EIF3A: variants seen among roughly 807,000 people sequenced by gnomAD.
EIF3A encodes the protein EIF3, p180 subunit.
EIF3A carries 21 observed loss-of-function variants against 186.6 expected under a neutral mutation model. The observed-to-expected ratio is 0.11, with a 90% CI of 0.08 to 0.16. The LOEUF (loss-of-function observed/expected upper bound fraction) is 0.16. Ranked by LOEUF, EIF3A falls within the 10% of genes least tolerant of loss-of-function variation. The pLI is 1.00. For missense variants in EIF3A, 1,306 were observed against 1,796.3 expected, an observed-to-expected ratio of 0.73 and a Z score of 4.93; for synonymous variants, 563 against 584.3, an observed-to-expected ratio of 0.96 and a Z score of 0.52.
chr10:119,066,948 C>G (rs1196488211), intron 6 of EIF3A, among the ~76,000 whole-genome samples: 1 of 152,204 alleles, frequency 6.6e-6, no homozygotes, highest in African/African-American at 2.4e-5. Context: ...CGCAGTGGCT[C>G]ATGCCTGTAA....
At chr10:119,079,676 G>A (rs1439637398) in intron 1 of EIF3A, among the ~76,000 whole-genome samples, 3 of 152,150 alleles carry the variant, frequency 2.0e-5, no homozygotes, top group Non-Finnish European at 4.4e-5. Flanking sequence ...TAAATGCCTT[G>A]GAGAGATCGG....
Position 119,072,945 on chromosome 10 carries a change from G to T in EIF3A, c.486C>A (p.Asp162Glu). 1.2e-6 allele frequency: 2 copies of T among 1,614,096 alleles called. No individual in the cohort carries two copies. Among genetic ancestry groups the T allele is most frequent in the Non-Finnish European group, 1.7e-6 (2 of 1,180,014 alleles). Residue 162 changes from aspartate to glutamate, a missense_variant, in exon 4 of 22, where the codon GAC becomes GAA. Physicochemically the swap from Asp to Glu is conservative, Grantham distance 45. Around this residue, in one of 8 missense-constraint regions of EIF3A, gnomAD observed 130 missense variants for 259.3 expected, o/e 0.50. Transcript: ENST00000369144. ...FLWESYRQCL[D>E]LLRNNSRVER... is the part of the protein sequence containing the mutation. ...CTACTCTAGAATTGTTTCTAAGAAG[G>T]TCCAAACACTGCCTGTAAGACTCCC...
chr10:119,039,356 G>A (rs1241221391), intron 19 of EIF3A, among the ~76,000 whole-genome samples: 1 of 152,028 alleles, frequency 6.6e-6, no homozygotes, highest in East Asian at 1.9e-4. Context: ...GTTTAAAATG[G>A]CCTCCAAGTG....
At chr10:119,075,528 T>G (rs1844151291) in intron 1 of EIF3A, among the ~76,000 whole-genome samples, 1 of 147,200 alleles carries the variant, frequency 6.8e-6, no homozygotes, top group Non-Finnish European at 1.5e-5. Flanking sequence ...CATCTTAACA[T>G]TCATTAATTG....
chr10:119,046,838 T>G (rs552746103), intron 17 of EIF3A, among the ~76,000 whole-genome samples: 2 of 152,096 alleles, frequency 1.3e-5, no homozygotes, highest in South Asian at 4.2e-4. Context: ...ATGCCTGTAA[T>G]CCCACCTACT....
chr10:119,038,443 T>G lies in EIF3A; in HGVS notation c.3527-4A>C. The G allele has an allele frequency of 6.3e-7, 1 of 1,591,106 alleles. No homozygotes were observed. Among genetic ancestry groups the G allele is most frequent in the South Asian group, 1.2e-5 (1 of 85,854 alleles). ...TTTTCTTTCTCTCTCCATCCACCTGTTTTTTTGAAAAAGCAAAACATTTTT... is the reference window on the plus strand; with the variant it reads ...TTTTCTTTCTCTCTCCATCCACCTGGTTTTTTGAAAAAGCAAAACATTTTT... On this transcript the variant is annotated splice_polypyrimidine_tract_variant and splice_region_variant and intron_variant, in intron 19 of 21. Transcript: ENST00000369144.
Position 119,056,986 on chromosome 10 carries a change from C to G in EIF3A, c.2032G>C (p.Glu678Gln). The change falls in exon 13 of 22, where the codon GAG (glutamate) becomes CAG (glutamine). Residue 678 changes from glutamate (E) to glutamine (Q), a missense_variant. By Grantham distance (29) the Glu-to-Gln change is conservative. Transcript: ENST00000369144. ...FIMAKQVEQL[E>Q]KEKKELQERL... The stretch of plus-strand genomic sequence containing the variant: ...TCTTGAAGTTCTTTCTTTTCTTTCT[C>G]CAGTTGTTCAACCTGTTTAGCCATG... 6.2e-7 allele frequency: 1 copy of G among 1,613,270 alleles called. No individual in the cohort carries two copies. Among genetic ancestry groups the G allele is most frequent in the Admixed American group, 1.7e-5 (1 of 59,932 alleles).
chr10:119,069,887 G>C (rs1373407353), intron 5 of EIF3A, among the ~76,000 whole-genome samples: 1 of 151,694 alleles, frequency 6.6e-6, no homozygotes, highest in East Asian at 1.9e-4. Context: ...AGACAGAGCA[G>C]ACTCAAGAAA....
Position 119,056,926 on chromosome 10 carries a change from T to G in EIF3A, c.2082+10A>C, listed in dbSNP as rs759635621. ...TGGTATGTTAAAGGTTTACCAACCC[T>G]TTCATTTACCTTCTTTTCTTGATTC... On this transcript the variant is annotated intron_variant, in intron 13 of 21. Coordinates refer to ENST00000369144, the MANE Select transcript of EIF3A (RefSeq NM_003750.4). The G allele has an allele frequency of 1.9e-6, 3 of 1,603,628 alleles. No individual in the cohort carries two copies. The South Asian group carries it at 3.3e-5, about 18-fold the overall frequency.
intron 6 of EIF3A, among the ~76,000 whole-genome samples, chr10:119,067,602 G>C (rs775334684): frequency 6.6e-6 from 1 of 152,118 alleles, no homozygotes. Flanking sequence ...AGAAAGGAAA[G>C]AAAGACCGTA....
At chr10:119,074,633 T>TA (rs1437540048) in intron 1 of EIF3A, among the ~76,000 whole-genome samples, 1 of 150,414 alleles carries the variant, frequency 6.6e-6, no homozygotes, top group Non-Finnish European at 1.5e-5. Context: ...TTTTTTTAAA[T>TA]AAAAAAATAG....
At chr10:119,052,267 T>C (rs964656429) in intron 14 of EIF3A, among the ~76,000 whole-genome samples, 1 of 152,182 alleles carries the variant, frequency 6.6e-6, no homozygotes, top group Non-Finnish European at 1.5e-5. Flanking sequence ...AAGAAACCAC[T>C]TACTTTGCTC....
At chr10:119,066,604 G>A (rs1843985493) in intron 6 of EIF3A, among the ~76,000 whole-genome samples, 1 of 150,614 alleles carries the variant, frequency 6.6e-6, no homozygotes, top group Admixed American at 6.6e-5. Flanking sequence ...ACACTATTAT[G>A]GTAGTGAGGG....
At chr10:119,043,616 CAACAACAAA>C (rs1349274230) in intron 18 of EIF3A, among the ~76,000 whole-genome samples, 1 of 150,614 alleles carries the variant, frequency 6.6e-6, no homozygotes, top group African/African-American at 2.4e-5. Flanking sequence ...ACAACAACAA[CAACAACAAA>C]AACAACAACA....
chr10:119,049,905 C>G lies in EIF3A; in HGVS notation c.2554G>C (p.Glu852Gln). 1 of 1,614,158 alleles carries G rather than the reference C, an allele frequency of 6.2e-7. No individual in the cohort carries two copies. Among genetic ancestry groups the G allele is most frequent in the Non-Finnish European group, 8.5e-7 (1 of 1,180,036 alleles). ...TGGCGTTTTTTCCTTTCCACTTCTTCTAATTTCTTCACCCGCTCCTGATAC... is the reference window on the plus strand; with the variant it reads ...TGGCGTTTTTTCCTTTCCACTTCTTGTAATTTCTTCACCCGCTCCTGATAC... ...REYQERVKKL[E>Q]EVERKKRQRE... The change falls in exon 17 of 22, where the codon GAA becomes CAA. Residue 852 changes from glutamate (E) to glutamine (Q), a missense_variant. This residue lies in a region of EIF3A where 410 missense variants were observed against 473.5 expected (regional missense o/e 0.87). Transcript: ENST00000369144.
At chr10:119,068,675 T>C (rs1380037969) in intron 6 of EIF3A, among the ~76,000 whole-genome samples, 2 of 136,278 alleles carry the variant, frequency 1.5e-5, no homozygotes, top group African/African-American at 5.6e-5. Flanking sequence ...CAAGAAAAAA[T>C]AAAATAAAAT....
chr10:119,074,284 G>A (rs534927714), intron 1 of EIF3A, among the ~76,000 whole-genome samples: 14 of 152,030 alleles, frequency 9.2e-5, no homozygotes, highest in Non-Finnish European at 1.8e-4. Context: ...TGGCCAATAC[G>A]GTGAAACCCA....
Position 119,042,560 on chromosome 10 carries a change from G to A in EIF3A, c.2960C>T (p.Pro987Leu). The change falls in exon 19 of 22, where the codon CCT becomes CTT. Residue 987 changes from proline to leucine, a missense_variant. By Grantham distance (98) the Pro-to-Leu change is moderately conservative (BLOSUM62 -3). Transcript: ENST00000369144. The surrounding 1 kb of genome is among the most constrained non-coding windows in gnomAD (Gnocchi z 7.8). ...GTCATCATCTGTGTTACGCCAGGAA[G>A]GCCGGTCATCGTCTGCCCCACGACG... ...FSRRGADDDR[P>L]SWRNTDDDRP... is the part of the protein sequence containing the mutation. The A allele has an allele frequency of 6.2e-7, 1 of 1,614,090 alleles. No individual in the cohort carries two copies. The highest frequency in any genetic ancestry group is 1.3e-5 in the African/African-American group (1 of 75,000).
At chr10:119,078,566 A>C (rs574489160) in intron 1 of EIF3A, among the ~76,000 whole-genome samples, 1 of 152,196 alleles carries the variant, frequency 6.6e-6, no homozygotes, top group East Asian at 1.9e-4. Flanking sequence ...CGATCTGCTC[A>C]CTTTGAGAAG....
Sources: gnomAD v4.1 joint callset for allele counts (sites outside exome capture counted in the v4.1 genomes callset) on GRCh38, gnomAD v4.1.1 for gene constraint, gnomAD v4.1.1 regional missense constraint, Gnocchi (gnomAD v3.1) non-coding constraint, MANE v1.5 for transcripts, NCBI Gene and HGNC (gene_info 2026-07-23, HGNC 2026-07-21) for gene names.